Variants in MED15 observed in about 807,000 individuals in gnomAD.
MED15 encodes mediator complex subunit 15.
MED15 carries 41 observed loss-of-function variants against 118.7 expected under a neutral mutation model. The ratio of observed to expected loss-of-function variants is 0.35; its 90% CI spans 0.27 to 0.45. The LOEUF (loss-of-function observed/expected upper bound fraction) is 0.45, where lower values mean the gene tolerates loss of function less well. Ranked by LOEUF, MED15 falls within the 20% of genes least tolerant of loss-of-function variation. The pLI is 1.00. For missense variants in MED15, 740 were observed against 1,025.5 expected, an observed-to-expected ratio of 0.72 and a Z score of 3.80; for synonymous variants, 436 against 413.9, an observed-to-expected ratio of 1.05 and a Z score of -0.65.
At chr22:20,533,968 G>A (rs2054956253) in intron 1 of MED15, among the ~76,000 whole-genome samples, 1 of 152,182 alleles carries the variant, frequency 6.6e-6, no homozygotes. Flanking sequence ...GTGTCTGTCT[G>A]GGGCCTGCCA....
Position 20,582,839 on chromosome 22 carries a change from G to T in MED15, c.1410-1G>T. Reference sequence around the variant, plus strand: ...CACATGTTTCTCTCACTTGGCTGCAGCTCTGGCCCTGCCCCATCTCCCAGT... The same window carrying T: ...CACATGTTTCTCTCACTTGGCTGCATCTCTGGCCCTGCCCCATCTCCCAGT... On this transcript the variant is annotated splice_acceptor_variant, in intron 10 of 17. Transcript: ENST00000263205. LOFTEE classifies it high-confidence loss of function. 1.2e-6 allele frequency: 2 copies of T among 1,611,750 alleles called. No homozygotes were observed. The highest frequency in any genetic ancestry group is 1.1e-5 in the South Asian group (1 of 90,974).
chr22:20,525,017 T>A (rs2054583507), intron 1 of MED15, among the ~76,000 whole-genome samples: 1 of 152,058 alleles, frequency 6.6e-6, no homozygotes, highest in Non-Finnish European at 1.5e-5. Context: ...TAGGTGAAAG[T>A]GGTCTGGGCG....
At chr22:20,512,749 G>A (rs1355031491) in intron 1 of MED15, among the ~76,000 whole-genome samples, 3 of 150,334 alleles carry the variant, frequency 2.0e-5, no homozygotes, top group Admixed American at 6.6e-5. Context: ...CCGCCACCAC[G>A]CCCAGCTAAT....
chr22:20,530,491 C>T (rs993697126), intron 1 of MED15, among the ~76,000 whole-genome samples: 7 of 151,956 alleles, frequency 4.6e-5, no homozygotes, highest in African/African-American at 1.7e-4. Context: ...CAGCAGAGGA[C>T]AGAGAAGCTG....
intron 7 of MED15, 130 bp downstream of exon 7, chr22:20,566,947 T>G: frequency 6.7e-7 from 1 of 1,483,382 alleles, no homozygotes; most frequent in South Asian, 1.3e-5. Context: ...CCCCCACCCC[T>G]TGCCAGCCCT....
Position 20,568,510 on chromosome 22 carries a change from T to A in MED15, c.1042-11T>A. 2 of 1,612,962 alleles carry A rather than the reference T, an allele frequency of 1.2e-6. No homozygotes were observed. Among genetic ancestry groups the A allele is most frequent in the Non-Finnish European group, 1.7e-6 (2 of 1,179,774 alleles). ...GTGGTTCCAAATCACATTCTCTCTT[T>A]CTCCCTCAAGGTCCGAGCTCCGATG... On this transcript the variant is annotated splice_polypyrimidine_tract_variant and intron_variant, in intron 7 of 17. Coordinates refer to ENST00000263205, the MANE Select transcript of MED15 (RefSeq NM_001003891.3).
At position 20,557,188 on chromosome 22, in the gene MED15, T is replaced by C. The variant is rs528751541; in HGVS notation, c.451+2040T>C. On this transcript the variant is annotated intron_variant, in intron 5 of 17. Coordinates refer to ENST00000263205, the MANE Select transcript of MED15 (RefSeq NM_001003891.3). ...CAGTGTAGCAGCTGCTAAGGAGAAC[T>C]GGAGTCACACCCCAGGCCAAGAGCT... Among the ~76,000 whole-genome samples, 9 of 152,276 alleles carry C rather than the reference T, an allele frequency of 5.9e-5. No homozygotes were observed. In the South Asian group the frequency reaches 1.9e-3, roughly 32 times the overall value.
chr22:20,558,411 G>T (rs1205160630), intron 5 of MED15, among the ~76,000 whole-genome samples: 1 of 152,172 alleles, frequency 6.6e-6, no homozygotes, highest in Non-Finnish European at 1.5e-5. Flanking sequence ...ACCCAGGTTA[G>T]TCGGAAAAGG....
chr22:20,510,928 G>C (rs1315100629), intron 1 of MED15, among the ~76,000 whole-genome samples: 1 of 152,156 alleles, frequency 6.6e-6, no homozygotes, highest in Non-Finnish European at 1.5e-5. Context: ...CCACAGCCGG[G>C]AAGAGCAGTT....
chr22:20,522,167 C>T (rs956262509), intron 1 of MED15: 1 of 152,184 alleles, frequency 6.6e-6, no homozygotes, highest in African/African-American at 2.4e-5. Context: ...TTGGTCATGT[C>T]TTCTGGTAAA....
chr22:20,551,635 C>T, intron 3 of MED15, 148 bp downstream of exon 3: 1 of 761,406 alleles, frequency 1.3e-6, no homozygotes, highest in South Asian at 1.5e-5. Context: ...TTCTTCACTG[C>T]CTTGCATTTG....
intron 1 of MED15, among the ~76,000 whole-genome samples, chr22:20,516,098 C>A (rs2054247468): frequency 6.6e-6 from 1 of 151,936 alleles, no homozygotes; most frequent in African/African-American, 2.4e-5. Context: ...GGGCGGATCA[C>A]CTGAGGTCAG....
chr22:20,525,332 A>G (rs1250608144), intron 1 of MED15, among the ~76,000 whole-genome samples: 1 of 149,316 alleles, frequency 6.7e-6, no homozygotes, highest in African/African-American at 2.5e-5. Context: ...TTTTTTTTTG[A>G]CATAGTTTTG....
chr22:20,547,930 G>A, intron 2 of MED15, among the ~76,000 whole-genome samples: 1 of 152,188 alleles, frequency 6.6e-6, no homozygotes, highest in East Asian at 1.9e-4. Flanking sequence ...AGCCCAGGAA[G>A]TTGAAACTGC....
chr22:20,542,823 A>T (rs1225209751), intron 2 of MED15, among the ~76,000 whole-genome samples: 2 of 152,204 alleles, frequency 1.3e-5, no homozygotes, highest in African/African-American at 4.8e-5. Flanking sequence ...ATAGTATTAG[A>T]TGAGGTTTCT....
At chr22:20,560,029 C>T in intron 5 of MED15, among the ~76,000 whole-genome samples, 1 of 152,094 alleles carries the variant, frequency 6.6e-6, no homozygotes, top group Non-Finnish European at 1.5e-5. Context: ...TTTGGGATGT[C>T]ACTACTGTGG....
At chr22:20,557,992 G>A (rs772700367) in intron 5 of MED15, among the ~76,000 whole-genome samples, 1 of 152,208 alleles carries the variant, frequency 6.6e-6, no homozygotes, top group Non-Finnish European at 1.5e-5. Context: ...TGTAGTCCCA[G>A]CTACTCGGGA....
In MED15 at chr22:20,577,027, C is replaced by A. The variant is rs575467175; in HGVS notation, c.1272+1795C>A. Among the ~76,000 whole-genome samples, 40 of 152,320 alleles carry A rather than the reference C, an allele frequency of 2.6e-4. 1 individual carries two copies. Among genetic ancestry groups the A allele is most frequent in the African/African-American group, 9.6e-4 (40 of 41,566 alleles). On this transcript the variant is annotated intron_variant, in intron 9 of 17. Coordinates refer to ENST00000263205, the MANE Select transcript of MED15 (RefSeq NM_001003891.3). ...TTTCAGTGTGCGATATGTGCCAGGC[C>A]TTGAGCTAAGCTCTTTGTGTACAGA...
rs1374907454 is a variant in MED15, at chr22:20,584,243, G to C, written c.1737-116G>C. The C allele has an allele frequency of 3.9e-6, 4 of 1,030,374 alleles. No individual in the cohort carries two copies. The African/African-American group carries it at 6.3e-5, about 16-fold the overall frequency. 63.8% of individuals were successfully genotyped at this position (1,030,374 alleles called of 1,614,324 possible). A position where few individuals can be genotyped will look rare whatever the true frequency, so the allele number is the denominator to read the frequency against. On this transcript the variant is annotated intron_variant, in intron 13 of 17. Coordinates refer to ENST00000263205, the MANE Select transcript of MED15 (RefSeq NM_001003891.3). ...GGGTCTGGGAACAGCTGGTCAACTGGTAGGAGCTCCTGCAGAGGTTTCTGA... is the reference window on the plus strand; with the variant it reads ...GGGTCTGGGAACAGCTGGTCAACTGCTAGGAGCTCCTGCAGAGGTTTCTGA...
Sources: allele counts gnomAD v4.1 joint callset (sites outside exome capture counted in the v4.1 genomes callset), GRCh38; gene constraint gnomAD v4.1.1; transcripts MANE v1.5; gene names NCBI Gene and HGNC (gene_info 2026-07-23, HGNC 2026-07-21).